Variants in PDE4D observed in about 807,000 individuals in gnomAD.
PDE4D encodes the protein 3',5'-cyclic-AMP phosphodiesterase 4D.
In PDE4D, 24 loss-of-function variants were observed where a neutral mutation model predicts 87.4. That is an observed-to-expected ratio of 0.27 (90% CI 0.20 to 0.39). The LOEUF is 0.39. Ranked by LOEUF, PDE4D falls within the 10% of genes least tolerant of loss-of-function variation. PDE4D has a pLI of 1.00. For synonymous variants in PDE4D, 384 were observed against 383.2 expected (o/e 1.00, Z -0.02); for missense variants, 714 against 1,041.0 (o/e 0.69, Z 4.32).
At chr5:59,715,820 G>T (rs1450935246) in intron 1 of PDE4D, among the ~76,000 whole-genome samples, 1 of 152,210 alleles carries the variant, frequency 6.6e-6, no homozygotes, top group Non-Finnish European at 1.5e-5. Flanking sequence ...GTAAATTCGG[G>T]TAACATCATC....
intron 1 of PDE4D, among the ~76,000 whole-genome samples, chr5:59,487,517 G>A (rs17796734): frequency 0.077 from 11,653 of 152,216 alleles, 501 homozygotes; most frequent in Middle Eastern, 0.15. Flanking sequence ...TCATGGGTCA[G>A]ACGATGCTAT....
chr5:59,933,272 A>T (rs185812359), intron 3 of PDE4D, among the ~76,000 whole-genome samples: 1 of 152,328 alleles, frequency 6.6e-6, no homozygotes, highest in East Asian at 1.9e-4. Context: ...CTAATGTGTC[A>T]TTTACTCTTA....
At chr5:59,794,380 C>T (rs202236480) in intron 1 of PDE4D, among the ~76,000 whole-genome samples, 1 of 152,114 alleles carries the variant, frequency 6.6e-6, no homozygotes, top group Non-Finnish European at 1.5e-5. Flanking sequence ...GAAGAAAAGA[C>T]AAAAGAACAG....
At chr5:60,317,349 T>C (rs1004605060) in intron 1 of PDE4D, among the ~76,000 whole-genome samples, 14 of 152,352 alleles carry the variant, frequency 9.2e-5, no homozygotes, top group African/African-American at 3.4e-4. Flanking sequence ...TTTATTATTT[T>C]TTATTGCATC....
chr5:59,900,606 A>G (rs1247995689), intron 3 of PDE4D, among the ~76,000 whole-genome samples: 3 of 152,214 alleles, frequency 2.0e-5, no homozygotes, highest in Non-Finnish European at 4.4e-5. Flanking sequence ...CAAATCCCTC[A>G]GAAGATGTCA....
chr5:60,085,006 T>A (rs1227373277), intron 2 of PDE4D, among the ~76,000 whole-genome samples: 1 of 152,230 alleles, frequency 6.6e-6, no homozygotes, highest in Non-Finnish European at 1.5e-5. Context: ...ATATTTTGAA[T>A]ATAAACTCTG....
intron 1 of PDE4D, among the ~76,000 whole-genome samples, chr5:60,331,192 A>G (rs575049625): frequency 1.8e-4 from 27 of 152,294 alleles, no homozygotes; most frequent in South Asian, 1.0e-3. Context: ...TTAGAGCTCA[A>G]TCACCTAAGG....
At chr5:60,340,907 C>T (rs908307479) in intron 1 of PDE4D, among the ~76,000 whole-genome samples, 8 of 152,138 alleles carry the variant, frequency 5.3e-5, no homozygotes, top group African/African-American at 1.7e-4. Flanking sequence ...TCCCAGTCTT[C>T]CATTTCTATG....
At chr5:59,559,245 T>C (rs1819516988) in intron 1 of PDE4D, among the ~76,000 whole-genome samples, 1 of 152,224 alleles carries the variant, frequency 6.6e-6, no homozygotes, top group Admixed American at 6.5e-5. Context: ...AAAATATTGA[T>C]TTATTGAAAA....
intron 3 of PDE4D, among the ~76,000 whole-genome samples, chr5:59,973,521 C>T (rs1341749215): frequency 6.6e-6 from 1 of 151,934 alleles, no homozygotes; most frequent in Non-Finnish European, 1.5e-5. Flanking sequence ...GTTTTGCCAA[C>T]TGCAAAGGAT....
intron 1 of PDE4D, among the ~76,000 whole-genome samples, chr5:60,231,519 C>G (rs1484275612): frequency 6.6e-6 from 1 of 151,834 alleles, no homozygotes; most frequent in Non-Finnish European, 1.5e-5. Context: ...AGATCTAACC[C>G]TAGAATTTTC....
At chr5:59,648,710 C>A (rs546446836) in intron 1 of PDE4D, among the ~76,000 whole-genome samples, 10 of 120,354 alleles carry the variant, frequency 8.3e-5, no homozygotes, top group Non-Finnish European at 1.4e-4. Context: ...GTAATTTAGG[C>A]ATCTAACCTC....
At chr5:60,179,321 G>A (rs915543296) in intron 2 of PDE4D, among the ~76,000 whole-genome samples, 1 of 152,032 alleles carries the variant, frequency 6.6e-6, no homozygotes, top group African/African-American at 2.4e-5. Context: ...TGACAAGAGT[G>A]ACATTTTTCA....
At chr5:59,273,570 G>A (rs1302779318) in intron 1 of PDE4D, among the ~76,000 whole-genome samples, 1 of 151,984 alleles carries the variant, frequency 6.6e-6, no homozygotes, top group Non-Finnish European at 1.5e-5. Flanking sequence ...ATATTATTAA[G>A]TCAGATGTAA....
intron 1 of PDE4D, among the ~76,000 whole-genome samples, chr5:59,512,492 A>G (rs1023663413): frequency 5.9e-5 from 9 of 152,208 alleles, no homozygotes; most frequent in Admixed American, 2.0e-4. Context: ...GACTTAATTA[A>G]AGAGAAGATG....
Position 59,134,152 on chromosome 5 carries a change from T to G in PDE4D, c.808+46443A>C, listed in dbSNP as rs1049938129. 4.0e-5 allele frequency among the ~76,000 whole-genome samples: 6 copies of G among 149,484 alleles called. No individual in the cohort carries two copies. In the South Asian group the frequency reaches 1.3e-3, roughly 32 times the overall value. On this transcript the variant is annotated intron_variant, in intron 5 of 14. Transcript: ENST00000340635. ...TCACCTCCCTCATAAAGCTAGCATG[T>G]AAGCTGTCCCTAGGGAATTTGATCA...
intron 1 of PDE4D, among the ~76,000 whole-genome samples, chr5:60,201,633 T>G (rs1446302171): frequency 1.3e-5 from 2 of 152,124 alleles, no homozygotes; most frequent in African/African-American, 2.4e-5. Flanking sequence ...TACAACAATA[T>G]CAACATTTTT....
intron 2 of PDE4D, among the ~76,000 whole-genome samples, chr5:60,034,024 A>G (rs771072170): frequency 6.6e-6 from 1 of 152,250 alleles, no homozygotes; most frequent in Non-Finnish European, 1.5e-5. Flanking sequence ...AGCAAACTAT[A>G]TCTGAGATGA....
chr5:59,745,011 G>A (rs572559348), intron 1 of PDE4D, among the ~76,000 whole-genome samples: 1 of 152,042 alleles, frequency 6.6e-6, no homozygotes, highest in East Asian at 1.9e-4. Flanking sequence ...TTATGTGAAG[G>A]GTAAAATCTG....
Sources: allele counts gnomAD v4.1 joint callset (sites outside exome capture counted in the v4.1 genomes callset), GRCh38; gene constraint gnomAD v4.1.1; transcripts MANE v1.5; gene names NCBI Gene and HGNC (gene_info 2026-07-23, HGNC 2026-07-21).